ACSF3: variants seen among roughly 807,000 people sequenced by gnomAD.
ACSF3 encodes acyl-CoA synthetase family member 3.
In ACSF3, 78 loss-of-function variants were observed where a neutral mutation model predicts 53.2. The observed-to-expected ratio is 1.47, with a 90% confidence interval of 1.22 to 1.77. The LOEUF is 1.77. Ranked by LOEUF, ACSF3 falls within the 40% of genes most tolerant of loss-of-function variation. The pLI, the probability that ACSF3 is intolerant of heterozygous loss-of-function variation, is 0.00. For synonymous variants in ACSF3, 414 were observed against 333.1 expected, an observed-to-expected ratio of 1.24 and a Z score of -2.65; for missense variants, 937 against 771.1, an observed-to-expected ratio of 1.22 and a Z score of -2.55.
chr16:89,154,063 C>T (rs562010787), intron 10 of ACSF3, 27 bp from the exon 11 acceptor site: 14 of 1,604,002 alleles, frequency 8.7e-6, no homozygotes, highest in South Asian at 3.3e-5. Flanking sequence ...CAGGGCAGTG[C>T]GCCTCAGGCT....
In ACSF3 at chr16:89,155,599, A is replaced by G. The variant is rs1010862227; in HGVS notation, c.*1392A>G. On this transcript the variant is annotated 3_prime_UTR_variant, in exon 11 of 11. Coordinates refer to ENST00000614302, the MANE Select transcript of ACSF3 (RefSeq NM_001243279.3). ...ATGGCCTGACCCCGGGAACAGTCAG[A>G]GGAAGGGGTCCCGCCCTCCCGCCAG... The G allele has an allele frequency of 6.6e-6, 3 of 453,896 alleles. No individual in the cohort carries two copies. Among genetic ancestry groups the G allele is most frequent in the Admixed American group, 4.7e-5 (2 of 42,548 alleles). The allele number at this position is 453,896 out of a possible 1,614,324, so 28.1% of individuals were successfully genotyped here. A position where few individuals can be genotyped will look rare whatever the true frequency, so the allele number is the denominator to read the frequency against.
chr16:89,135,192 G>C (rs1348245366), intron 8 of ACSF3, among the ~76,000 whole-genome samples: 2 of 151,924 alleles, frequency 1.3e-5, no homozygotes, highest in Non-Finnish European at 2.9e-5. Context: ...GAATCTGCTG[G>C]CCCAAAATCA....
chr16:89,139,170 CCT>C (rs1024742951), intron 8 of ACSF3, among the ~76,000 whole-genome samples: 2 of 152,196 alleles, frequency 1.3e-5, no homozygotes, highest in African/African-American at 4.8e-5. Flanking sequence ...TGAGGTTTTT[CCT>C]CTTTCTTTGT....
chr16:89,124,798 G>A (rs896372981), intron 7 of ACSF3, among the ~76,000 whole-genome samples: 1 of 152,178 alleles, frequency 6.6e-6, no homozygotes, highest in African/African-American at 2.4e-5. Flanking sequence ...ATGTGTGTGT[G>A]ATATTTGTTG....
intron 4 of ACSF3, among the ~76,000 whole-genome samples, chr16:89,104,174 G>C (rs942635602): frequency 4.6e-5 from 7 of 152,230 alleles, no homozygotes; most frequent in African/African-American, 7.2e-5. Context: ...CCTCCGGTGA[G>C]GCCATGGACG....
At chr16:89,122,327 C>T in intron 7 of ACSF3, 1 of 370,710 alleles carries the variant, frequency 2.7e-6, no homozygotes, top group South Asian at 1.9e-5. Flanking sequence ...CTGAAACCCA[C>T]CTGGGTGGCT....
intron 5 of ACSF3, chr16:89,113,647 G>A (rs1370740107): frequency 6.4e-6 from 1 of 155,974 alleles, no homozygotes; most frequent in African/African-American, 2.4e-5. Context: ...GGCAGCAGCA[G>A]GGACCACTCC....
chr16:89,145,151 C>A, intron 8 of ACSF3, 116 bp from the exon 9 acceptor site: 1 of 1,610,720 alleles, frequency 6.2e-7, no homozygotes, highest in Admixed American at 1.7e-5. Context: ...CCAGAGCCCC[C>A]TTTCCTCAGA....
intron 10 of ACSF3, chr16:89,151,146 G>A: frequency 2.5e-6 from 2 of 803,366 alleles, no homozygotes; most frequent in Middle Eastern, 2.6e-4. Flanking sequence ...GAGGGCTGCT[G>A]TATCCAGTGA....
At chr16:89,111,327 T>C (rs1368448844) in intron 4 of ACSF3, among the ~76,000 whole-genome samples, 1 of 152,252 alleles carries the variant, frequency 6.6e-6, no homozygotes, top group Non-Finnish European at 1.5e-5. Flanking sequence ...CACTCGTCAC[T>C]GCAGTCCAGT....
chr16:89,115,131 C>G (rs907259129), intron 6 of ACSF3: 5 of 198,104 alleles, frequency 2.5e-5, no homozygotes, highest in African/African-American at 1.2e-4. Flanking sequence ...TCCAGTCTGT[C>G]TAGAGTAGAA....
intron 2 of ACSF3, among the ~76,000 whole-genome samples, chr16:89,100,295 C>T (rs983729997): frequency 6.6e-6 from 1 of 152,258 alleles, no homozygotes; most frequent in Non-Finnish European, 1.5e-5. Flanking sequence ...TGCACTTCCC[C>T]CTCTCACGGG....
intron 4 of ACSF3, among the ~76,000 whole-genome samples, chr16:89,111,408 G>A (rs907468764): frequency 1.3e-5 from 2 of 152,252 alleles, no homozygotes; most frequent in Non-Finnish European, 1.5e-5. Flanking sequence ...ACGCCGTGTG[G>A]GCGAGATCTG....
In ACSF3 at chr16:89,154,200, C is replaced by A. The variant is rs1416836474; in HGVS notation, c.1724C>A (p.Pro575His). ...DKKALIRHFH[P>H]S ...AAGGCGCTCATCAGGCACTTCCACC[C>A]CTCATGACCCGGCAGACTGGGACTG... is the stretch of plus-strand genomic sequence containing the variant. Residue 575 changes from proline to histidine, a missense_variant, in exon 11 of 11, where the codon CCC becomes CAC. Pro to His is a moderately conservative substitution (Grantham distance 77, BLOSUM62 -2). Coordinates refer to ENST00000614302, the MANE Select transcript of ACSF3 (RefSeq NM_001243279.3). The A allele has an allele frequency of 1.2e-6, 2 of 1,613,290 alleles. No homozygotes were observed. The highest frequency in any genetic ancestry group is 2.2e-5 in the East Asian group (1 of 44,878).
At chr16:89,111,495 C>T (rs7187122) in intron 4 of ACSF3, among the ~76,000 whole-genome samples, 3,850 of 152,320 alleles carry the variant, frequency 0.025, 171 homozygotes, top group African/African-American at 0.089. Flanking sequence ...CCACACCCTT[C>T]GGTGCTCCGT....
At chr16:89,116,202 C>G (rs1455689259) in intron 6 of ACSF3, among the ~76,000 whole-genome samples, 1 of 152,208 alleles carries the variant, frequency 6.6e-6, no homozygotes, top group Non-Finnish European at 1.5e-5. Context: ...AAAAGACTCC[C>G]TTCTCCATCG....
rs759127853 is a variant in ACSF3 at position 89,112,152 on chromosome 16, A to G, written c.883A>G (p.Thr295Ala). 2 of 1,614,254 alleles carry G rather than the reference A, an allele frequency of 1.2e-6. No homozygotes were observed. Among genetic ancestry groups the G allele is most frequent in the South Asian group, 1.1e-5 (1 of 91,086 alleles). ...GATCAATGTCTTTATGGCAGTGCCT[A>G]CAATATACACCAAGCTGATGGAGTA... The part of the protein sequence containing the change: ...PRINVFMAVP[T>A]IYTKLMEYYD... The change falls in exon 5 of 11, where the codon ACA becomes GCA. Residue 295 changes from threonine (T) to alanine (A), a missense_variant. Transcript: ENST00000614302.
chr16:89,136,673 G>A (rs1312280174), intron 8 of ACSF3: 1 of 1,287,142 alleles, frequency 7.8e-7, no homozygotes, highest in East Asian at 5.5e-5. Flanking sequence ...TCCGGGTCAG[G>A]ATGAGAGGAG....
rs79683649 is a variant in ACSF3 at position 89,146,908 on chromosome 16, T to C, written c.1613+859T>C. Among the ~76,000 whole-genome samples the C allele has an allele frequency of 9.7e-4, 148 of 152,170 alleles. 2 individuals carry two copies. The East Asian group carries it at 0.026, about 27-fold the overall frequency. ...GCCGTCAGGACGGAAGGGTATCCCA[T>C]AGGACCGTCAGGGCAGAGCCAGGCT... On this transcript the variant is annotated intron_variant, in intron 10 of 10. Transcript: ENST00000614302.
Sources: gnomAD v4.1 joint callset for allele counts (sites outside exome capture counted in the v4.1 genomes callset) on GRCh38, gnomAD v4.1.1 for gene constraint, MANE v1.5 for transcripts, NCBI Gene and HGNC (gene_info 2026-07-23, HGNC 2026-07-21) for gene names.